Variants in PARD3B observed in about 807,000 individuals in gnomAD.
PARD3B encodes par-3 family cell polarity regulator beta.
In PARD3B, 103 loss-of-function variants were observed where a neutral mutation model predicts 130.2. That is an observed-to-expected ratio of 0.79 (90% CI 0.67 to 0.93). PARD3B has a LOEUF of 0.93. Ranked by LOEUF, PARD3B falls within the 40% of genes least tolerant of loss-of-function variation. The probability of loss-of-function intolerance (pLI) is 0.00; values close to 1 mark genes in which losing one functional copy is unlikely to be tolerated. For missense variants in PARD3B, 1,609 were observed against 1,499.2 expected, an observed-to-expected ratio of 1.07 and a Z score of -1.21; for synonymous variants, 583 against 553.2, an observed-to-expected ratio of 1.05 and a Z score of -0.76.
intron 2 of PARD3B, among the ~76,000 whole-genome samples, chr2:204,722,529 T>C (rs2039043737): frequency 6.6e-6 from 1 of 152,178 alleles, no homozygotes; most frequent in Non-Finnish European, 1.5e-5. Context: ...TTTTTTCCTT[T>C]TGTTGAAGGC....
At chr2:204,924,378 C>T (rs1344670806) in intron 2 of PARD3B, among the ~76,000 whole-genome samples, 1 of 151,874 alleles carries the variant, frequency 6.6e-6, no homozygotes, top group Non-Finnish European at 1.5e-5. Flanking sequence ...TAGCTTAATT[C>T]GATCTGAATC....
At chr2:204,638,585 A>G (rs2034968136) in intron 1 of PARD3B, among the ~76,000 whole-genome samples, 1 of 152,202 alleles carries the variant, frequency 6.6e-6, no homozygotes, top group Admixed American at 6.5e-5. Context: ...TAGTAGGAAC[A>G]TTTTATAGAG....
chr2:205,006,927 G>A (rs1695310314), intron 3 of PARD3B, among the ~76,000 whole-genome samples: 1 of 152,082 alleles, frequency 6.6e-6, no homozygotes, highest in African/African-American at 2.4e-5. Context: ...TTATCTTCTA[G>A]AATTTTTATG....
rs528718722 is a variant in PARD3B at position 204,867,085 on chromosome 2, A to T, written c.223-98067A>T. Among the ~76,000 whole-genome samples the T allele has an allele frequency of 4.6e-5, 7 of 152,266 alleles. No individual in the cohort carries two copies. In the South Asian group the frequency reaches 1.5e-3, roughly 32 times the overall value. ...TGAGACTCTGTCGCAAAAAATAAAT[A>T]AATAAAATAAAATAAAATTGTCCTT... On this transcript the variant is annotated intron_variant, in intron 2 of 22. Coordinates refer to ENST00000406610, the MANE Select transcript of PARD3B (RefSeq NM_001302769.2).
intron 2 of PARD3B, among the ~76,000 whole-genome samples, chr2:204,732,617 G>C (rs113371657): frequency 6.6e-6 from 1 of 150,614 alleles, no homozygotes; most frequent in Non-Finnish European, 1.5e-5. Context: ...CCATTCTCCT[G>C]CCTCAGCCTA....
intron 19 of PARD3B, among the ~76,000 whole-genome samples, chr2:205,416,883 C>T (rs1308112873): frequency 2.0e-5 from 3 of 152,032 alleles, no homozygotes; most frequent in African/African-American, 7.2e-5. Flanking sequence ...TCTGTTGGAC[C>T]TTCAAGGCCT....
chr2:204,785,651 A>G (rs1166736880), intron 2 of PARD3B, among the ~76,000 whole-genome samples: 1 of 152,162 alleles, frequency 6.6e-6, no homozygotes, highest in African/African-American at 2.4e-5. Flanking sequence ...ACTGCTTTTC[A>G]TCCATTATTT....
At chr2:205,543,076 C>A (rs2052231043) in intron 21 of PARD3B, among the ~76,000 whole-genome samples, 1 of 152,156 alleles carries the variant, frequency 6.6e-6, no homozygotes, top group East Asian at 1.9e-4. Context: ...ACATCTATTT[C>A]ATTGGCTCAG....
chr2:204,643,135 A>AAAAAAAAAAAC (rs1357282441), intron 1 of PARD3B, among the ~76,000 whole-genome samples: 1 of 147,332 alleles, frequency 6.8e-6, no homozygotes, highest in Admixed American at 6.8e-5. Flanking sequence ...AAAAAAAAAA[A>AAAAAAAAAAAC]ATGTTTGGCA....
intron 20 of PARD3B, among the ~76,000 whole-genome samples, chr2:205,469,906 C>T (rs946606983): frequency 2.0e-5 from 3 of 152,250 alleles, no homozygotes; most frequent in Non-Finnish European, 4.4e-5. Flanking sequence ...TACGCATCCA[C>T]GAGTATACCT....
At chr2:204,756,439 ATT>A (rs2040677547) in intron 2 of PARD3B, among the ~76,000 whole-genome samples, 1 of 152,120 alleles carries the variant, frequency 6.6e-6, no homozygotes, top group Non-Finnish European at 1.5e-5. Context: ...TTTCTCCATT[ATT>A]TGATTTTCTT....
chr2:205,286,098 A>G (rs182640333), intron 16 of PARD3B, among the ~76,000 whole-genome samples: 2 of 152,342 alleles, frequency 1.3e-5, no homozygotes, highest in African/African-American at 4.8e-5. Context: ...GAATATAAAA[A>G]TATATCACAT....
intron 12 of PARD3B, among the ~76,000 whole-genome samples, chr2:205,175,048 G>A (rs762725588): frequency 3.3e-5 from 5 of 152,094 alleles, no homozygotes; most frequent in Non-Finnish European, 5.9e-5. Context: ...AGCAGAATAT[G>A]TTTAAAAATC....
chr2:205,432,668 ATTAAT>A (rs2106133314), intron 19 of PARD3B, among the ~76,000 whole-genome samples: 1 of 152,108 alleles, frequency 6.6e-6, no homozygotes, highest in East Asian at 1.9e-4. Flanking sequence ...TTTAAATAAA[ATTAAT>A]TTATTTAAAC....
chr2:204,718,911 G>A (rs1161149061), intron 2 of PARD3B, among the ~76,000 whole-genome samples: 1 of 152,082 alleles, frequency 6.6e-6, no homozygotes, highest in East Asian at 1.9e-4. Context: ...TATATGTATC[G>A]TTGCATTTTA....
chr2:205,465,918 A>G (rs574310704), intron 20 of PARD3B, among the ~76,000 whole-genome samples: 2 of 152,352 alleles, frequency 1.3e-5, no homozygotes, highest in Admixed American at 6.5e-5. Context: ...GTGCTTTTTC[A>G]TAAGCAGAGT....
chr2:205,618,505 T>C lies in PARD3B; in HGVS notation c.*2692T>C, dbSNP rs1206389920. 1 of 152,162 alleles carries C rather than the reference T, an allele frequency of 6.6e-6. No homozygotes were observed. Among genetic ancestry groups the C allele is most frequent in the Non-Finnish European group, 1.5e-5 (1 of 68,040 alleles). 9.4% of individuals were successfully genotyped at this position (152,162 alleles called of 1,614,324 possible). ...TATTTATGGCCTTGGGAAAACTCAA[T>C]CCGGTGTCTCCTTGTAGCTCAGAAC... is the stretch of plus-strand genomic sequence containing the variant. On this transcript the variant is annotated 3_prime_UTR_variant, in exon 23 of 23. Transcript: ENST00000406610.
rs891780547 is a variant in PARD3B at position 204,799,013 on chromosome 2, A to T, written c.222+112731A>T. 6.6e-6 allele frequency among the ~76,000 whole-genome samples: 1 copy of T among 151,936 alleles called. No homozygotes were observed. The highest frequency in any genetic ancestry group is 1.5e-5 in the Non-Finnish European group (1 of 67,990). On this transcript the variant is annotated intron_variant, in intron 2 of 22. Transcript: ENST00000406610. The surrounding 1 kb of genome is among the most constrained non-coding windows in gnomAD (Gnocchi z 4.1). ...CTTGAGGAAAGGAGAAGGAAGAGTA[A>T]AGGGGACTTTTCCTTTACTCACCAG...
rs574128236 is a variant in PARD3B, at chr2:205,291,604, G to A, written c.2186-8926G>A. 2.9e-4 allele frequency among the ~76,000 whole-genome samples: 44 copies of A among 152,288 alleles called. No individual in the cohort carries two copies. The highest frequency in any genetic ancestry group is 2.3e-3 in the South Asian group (11 of 4,828). Reference sequence around the variant, plus strand: ...CTGATTTCTCTAAAATCCAGATAGCGTATTTAATTAATGTAATTGTAGATA... The same window carrying A: ...CTGATTTCTCTAAAATCCAGATAGCATATTTAATTAATGTAATTGTAGATA... On this transcript the variant is annotated intron_variant, in intron 16 of 22. Coordinates refer to ENST00000406610, the MANE Select transcript of PARD3B (RefSeq NM_001302769.2). This position sits in a 1 kb window ranked among gnomAD's most constrained non-coding sequence, Gnocchi z 4.6.
Sources: allele counts gnomAD v4.1 joint callset (sites outside exome capture counted in the v4.1 genomes callset), GRCh38; gene constraint gnomAD v4.1.1; non-coding constraint Gnocchi (gnomAD v3.1); transcripts MANE v1.5; gene names NCBI Gene and HGNC (gene_info 2026-07-23, HGNC 2026-07-21).